The following KCTD16 variants were observed in gnomAD, a reference collection of about 807,000 sequenced individuals.
KCTD16 encodes BTB/POZ domain-containing protein KCTD16.
Under a neutral mutation model 33.2 loss-of-function variants are expected in KCTD16, and 13 were observed. The observed-to-expected ratio is 0.39, with a 90% CI of 0.25 to 0.62. The LOEUF is 0.62. Ranked by LOEUF, KCTD16 falls within the 20% of genes least tolerant of loss-of-function variation. The probability of loss-of-function intolerance (pLI) is 0.50; values close to 1 mark genes in which losing one functional copy is unlikely to be tolerated. For synonymous variants in KCTD16, 197 were observed against 195.3 expected, an observed-to-expected ratio of 1.01 and a Z score of -0.07; for missense variants, 441 against 525.1, an observed-to-expected ratio of 0.84 and a Z score of 1.57.
chr5:144,177,609 C>A (rs1208272542), intron 2 of KCTD16, among the ~76,000 whole-genome samples: 1 of 152,190 alleles, frequency 6.6e-6, no homozygotes, highest in Admixed American at 6.5e-5. Flanking sequence ...TTCACCTTGA[C>A]ATGGTCTTCG....
At chr5:144,181,898 A>G (rs1423249976) in intron 2 of KCTD16, among the ~76,000 whole-genome samples, 1 of 152,112 alleles carries the variant, frequency 6.6e-6, no homozygotes, top group Non-Finnish European at 1.5e-5. Context: ...GTTTGAGACC[A>G]GGCTGGCCAA....
At chr5:144,220,349 CTTGT>C (rs747730360) in intron 3 of KCTD16, among the ~76,000 whole-genome samples, 20 of 152,154 alleles carry the variant, frequency 1.3e-4, no homozygotes, top group Non-Finnish European at 2.4e-4. Flanking sequence ...GCTTGATTTA[CTTGT>C]TTATTTTCCC....
intron 3 of KCTD16, among the ~76,000 whole-genome samples, chr5:144,322,522 CA>C (rs542954295): frequency 6.6e-6 from 1 of 151,064 alleles, no homozygotes; most frequent in African/African-American, 2.4e-5. Flanking sequence ...AACAAACAAA[CA>C]AAAAAAACAA....
chr5:144,226,652 G>A (rs1042639444), intron 3 of KCTD16, among the ~76,000 whole-genome samples: 3 of 151,352 alleles, frequency 2.0e-5, no homozygotes, highest in East Asian at 1.9e-4. Context: ...GGCTCACTGC[G>A]ACCTCTGCCT....
chr5:144,315,990 CT>C (rs397885096), intron 3 of KCTD16, among the ~76,000 whole-genome samples: 1,442 of 140,888 alleles, frequency 0.01, 8 homozygotes, highest in African/African-American at 0.021. Flanking sequence ...TCTTCAAAGC[CT>C]TTTTTTTTTT....
chr5:144,427,831 T>A (rs906927796), intron 3 of KCTD16, among the ~76,000 whole-genome samples: 1 of 152,112 alleles, frequency 6.6e-6, no homozygotes, highest in African/African-American at 2.4e-5. Flanking sequence ...GGCTTCAGAT[T>A]AGGATATTAA....
intron 3 of KCTD16, among the ~76,000 whole-genome samples, chr5:144,305,895 A>G (rs759255331): frequency 6.6e-6 from 1 of 152,218 alleles, no homozygotes; most frequent in Non-Finnish European, 1.5e-5. Flanking sequence ...CTCAGAAGAA[A>G]GCAATCCTGT....
intron 3 of KCTD16, among the ~76,000 whole-genome samples, chr5:144,281,258 TTTC>T (rs1429919450): frequency 3.9e-5 from 6 of 152,254 alleles, no homozygotes; most frequent in Non-Finnish European, 7.3e-5. Flanking sequence ...TGCTGTTCTT[TTTC>T]TTGTTTCTTA....
chr5:144,478,547 T>C lies in KCTD16; in HGVS notation c.*4433T>C, dbSNP rs991658559. 1.3e-5 allele frequency: 2 copies of C among 152,050 alleles called. No homozygotes were observed. Among genetic ancestry groups the C allele is most frequent in the Non-Finnish European group, 2.9e-5 (2 of 67,950 alleles). 9.4% of individuals were successfully genotyped at this position (152,050 alleles called of 1,614,324 possible). A position where few individuals can be genotyped will look rare whatever the true frequency, so the allele number is the denominator to read the frequency against. On this transcript the variant is annotated 3_prime_UTR_variant, in exon 4 of 4. Transcript: ENST00000512467. ...AAATCATGTGTAGCACTTGTAAAAA[T>C]GCAGATTCCTTCAACCTAACTTCAA...
At chr5:144,392,066 G>A (rs898094755) in intron 3 of KCTD16, among the ~76,000 whole-genome samples, 5 of 152,128 alleles carry the variant, frequency 3.3e-5, no homozygotes, top group East Asian at 1.9e-4. Flanking sequence ...AAAATTAAAC[G>A]TATGTTTTAA....
intron 3 of KCTD16, among the ~76,000 whole-genome samples, chr5:144,342,056 G>C (rs909542698): frequency 6.6e-6 from 1 of 152,106 alleles, no homozygotes; most frequent in Non-Finnish European, 1.5e-5. Context: ...TTAGCAATGC[G>C]GGCTCTTTTT....
chr5:144,183,678 C>T (rs1204425948), intron 2 of KCTD16, among the ~76,000 whole-genome samples: 2 of 152,162 alleles, frequency 1.3e-5, no homozygotes, highest in African/African-American at 2.4e-5. Flanking sequence ...TATATTGCTG[C>T]CTTCTCCTAC....
chr5:144,421,992 G>C (rs779929850), intron 3 of KCTD16, among the ~76,000 whole-genome samples: 2 of 152,084 alleles, frequency 1.3e-5, no homozygotes, highest in Non-Finnish European at 2.9e-5. Flanking sequence ...ATGTGCAGTA[G>C]AACTTTAATA....
intron 3 of KCTD16, among the ~76,000 whole-genome samples, chr5:144,334,633 A>AT (rs1473783058): frequency 1.3e-5 from 2 of 152,186 alleles, no homozygotes. Context: ...TGGAAATGCT[A>AT]TGGAAATTAA....
chr5:144,367,771 C>A (rs940434898), intron 3 of KCTD16, among the ~76,000 whole-genome samples: 5 of 149,032 alleles, frequency 3.4e-5, no homozygotes, highest in Non-Finnish European at 7.4e-5. Flanking sequence ...TTGTGGGATG[C>A]TGAAGTTTGG....
At chr5:144,280,273 A>G (rs1182276629) in intron 3 of KCTD16, among the ~76,000 whole-genome samples, 1 of 152,152 alleles carries the variant, frequency 6.6e-6, no homozygotes, top group Non-Finnish European at 1.5e-5. Flanking sequence ...ACTGATTAGT[A>G]GAATTTACCA....
At chr5:144,368,836 G>A (rs1248952373) in intron 3 of KCTD16, among the ~76,000 whole-genome samples, 2 of 152,176 alleles carry the variant, frequency 1.3e-5, no homozygotes, top group Admixed American at 1.3e-4. Flanking sequence ...AGGAAGTACG[G>A]AGGTCTGTAT....
chr5:144,213,737 C>T (rs1035559299), intron 3 of KCTD16, among the ~76,000 whole-genome samples: 10 of 152,128 alleles, frequency 6.6e-5, no homozygotes, highest in Non-Finnish European at 1.3e-4. Context: ...TTATTGTTAG[C>T]TTTTACATAT....
intron 2 of KCTD16, among the ~76,000 whole-genome samples, chr5:144,178,545 CA>C (rs1752551526): frequency 6.6e-6 from 1 of 152,078 alleles, no homozygotes; most frequent in South Asian, 2.1e-4. Context: ...TTAGGTGAAG[CA>C]GTCAAGATGT....
Sources: gnomAD v4.1 joint callset for allele counts (sites outside exome capture counted in the v4.1 genomes callset) on GRCh38, gnomAD v4.1.1 for gene constraint, MANE v1.5 for transcripts, NCBI Gene and HGNC (gene_info 2026-07-23, HGNC 2026-07-21) for gene names.